FBXO47: variants seen among roughly 807,000 people sequenced by gnomAD.
FBXO47 encodes F-box only protein 47.
A neutral mutation model predicts 53.9 loss-of-function variants in FBXO47; 34 were observed. The observed-to-expected ratio is 0.63, with a 90% CI of 0.48 to 0.84. FBXO47 has a LOEUF of 0.84. Ranked by LOEUF, FBXO47 falls within the 40% of genes least tolerant of loss-of-function variation. The pLI, the probability that FBXO47 is intolerant of heterozygous loss-of-function variation, is 0.00. For synonymous variants in FBXO47, 165 were observed against 181.6 expected, an observed-to-expected ratio of 0.91 and a Z score of 0.73; for missense variants, 485 against 541.3, an observed-to-expected ratio of 0.90 and a Z score of 1.03.
chr17:38,941,262 C>G (rs529939145), intron 9 of FBXO47, among the ~76,000 whole-genome samples: 1 of 151,546 alleles, frequency 6.6e-6, no homozygotes, highest in South Asian at 2.1e-4. Context: ...CTCCGCCTGC[C>G]AGGCTCAAGT....
intron 7 of FBXO47, among the ~76,000 whole-genome samples, chr17:38,944,320 G>A (rs190152743): frequency 3.1e-3 from 472 of 151,780 alleles, no homozygotes; most frequent in African/African-American, 0.011. Context: ...GAGCCCAAGA[G>A]GTTGAGAGCA....
At chr17:38,939,323 A>ATAT (rs761104470) in intron 9 of FBXO47, among the ~76,000 whole-genome samples, 8 of 50,166 alleles carry the variant, frequency 1.6e-4, no homozygotes, top group African/African-American at 3.8e-4. Flanking sequence ...AAAAAAAAAA[A>ATAT]ATATATATAT....
rs1389812560 is a variant in FBXO47, at chr17:38,946,945, C to CATATATAAAT, written c.617-1819_617-1810dup. Among the ~76,000 whole-genome samples the CATATATAAAT allele has an allele frequency of 6.1e-3, 623 of 102,758 alleles. 7 individuals carry two copies. Among genetic ancestry groups the CATATATAAAT allele is most frequent in the East Asian group, 0.037 (119 of 3,206 alleles). 67.4% of individuals were successfully genotyped at this position (102,758 alleles called of 152,430 possible). A position where few individuals can be genotyped will look rare whatever the true frequency, so the allele number is the denominator to read the frequency against. ...ATATAAACATATAAATATATATAAA[C>CATATATAAAT]ATATATAAATATATAAACATATATA... On this transcript the variant is annotated intron_variant, in intron 6 of 10. Transcript: ENST00000378079.
At position 38,962,608 on chromosome 17, in the gene FBXO47, A is replaced by AAATAATAATAAT. The variant is rs58127654; in HGVS notation, c.181+225_181+236dup. On this transcript the variant is annotated intron_variant, in intron 2 of 10. Transcript: ENST00000378079. ...GCAACAAGAGCAAAACTCCATCTCA[A>AAATAATAATAAT]AATAATAATAATAATAATAATAATA... 4.8e-3 allele frequency among the ~76,000 whole-genome samples: 698 copies of AAATAATAATAAT among 146,292 alleles called. 11 individuals are homozygous for AAATAATAATAAT. The highest frequency in any genetic ancestry group is 0.047 in the East Asian group (241 of 5,086).
intron 9 of FBXO47, among the ~76,000 whole-genome samples, chr17:38,941,618 TA>T (rs200444446): frequency 0.045 from 2,683 of 60,160 alleles, 39 homozygotes; most frequent in Non-Finnish European, 0.052. Context: ...ATAAATATAA[TA>T]TTATATATAT....
At chr17:38,946,343 A>AAT (rs1567716587) in intron 6 of FBXO47, among the ~76,000 whole-genome samples, 19 of 52,634 alleles carry the variant, frequency 3.6e-4, no homozygotes, top group African/African-American at 1.6e-3. Context: ...AATATATATA[A>AAT]ATATATAAAT....
At chr17:38,943,894 A>G (rs1236695936) in intron 7 of FBXO47, among the ~76,000 whole-genome samples, 158 bp from the exon 8 acceptor site, 1 of 152,212 alleles carries the variant, frequency 6.6e-6, no homozygotes, top group Non-Finnish European at 1.5e-5. Context: ...GTAATAGTAT[A>G]GATTTGAACG....
At position 38,947,038 on chromosome 17, in the gene FBXO47, GTAAATATATAAAAACATATA is replaced by G. The variant is rs1209107350; in HGVS notation, c.617-1922_617-1903del. On this transcript the variant is annotated intron_variant, in intron 6 of 10. Transcript: ENST00000378079. ...TATATATAAACATATACAAATATAT[GTAAATATATAAAAACATATA>G]TAAATATATATAAACATATATAAAC... 8.0e-3 allele frequency among the ~76,000 whole-genome samples: 906 copies of G among 113,474 alleles called. 21 individuals carry two copies. Among genetic ancestry groups the G allele is most frequent in the African/African-American group, 0.033 (841 of 25,730 alleles). The allele number at this position is 113,474 out of a possible 152,430, so 74.4% of individuals were successfully genotyped here.
At chr17:38,963,095 T>C in intron 1 of FBXO47, 44 bp from the exon 2 acceptor site, 1 of 1,267,354 alleles carries the variant, frequency 7.9e-7, no homozygotes, top group Non-Finnish European at 1.1e-6. Context: ...AGAAAGGAAA[T>C]TAAAGCAAGA....
intron 1 of FBXO47, among the ~76,000 whole-genome samples, chr17:38,963,478 CACTT>C (rs1352649469): frequency 2.6e-5 from 4 of 151,976 alleles, no homozygotes; most frequent in Non-Finnish European, 4.4e-5. Flanking sequence ...AACCTGGCCC[CACTT>C]ACTTTATTAC....
chr17:38,957,148 T>A (rs1309331652), intron 4 of FBXO47, 29 bp downstream of exon 4: 25 of 1,391,280 alleles, frequency 1.8e-5, no homozygotes, highest in Non-Finnish European at 2.5e-5. Flanking sequence ...AAATCAAGAT[T>A]GTAAACTAAT....
At chr17:38,945,796 A>C (rs144433361) in intron 6 of FBXO47, among the ~76,000 whole-genome samples, 5,350 of 150,854 alleles carry the variant, frequency 0.035, 284 homozygotes, top group African/African-American at 0.11. Context: ...ATAAGCCGGG[A>C]GTGATGGCGG....
In FBXO47 at chr17:38,959,598, A is replaced by G. The variant is rs796997461; in HGVS notation, c.352+2279T>C. Among the ~76,000 whole-genome samples, 397 of 150,230 alleles carry G rather than the reference A, an allele frequency of 2.6e-3. 2 individuals carry two copies. Among genetic ancestry groups the G allele is most frequent in the African/African-American group, 8.7e-3 (353 of 40,538 alleles). ...CTGCCTCAAAAAAAAAAAAAAAAAA[A>G]AAAAAGAAAATTATTCTTCAAAGCA... is the stretch of plus-strand genomic sequence containing the variant. On this transcript the variant is annotated intron_variant, in intron 3 of 10. Transcript: ENST00000378079.
intron 1 of FBXO47, among the ~76,000 whole-genome samples, chr17:38,966,819 A>G (rs1463773178): frequency 1.3e-5 from 2 of 152,156 alleles, no homozygotes; most frequent in African/African-American, 4.8e-5. Context: ...CTAAAGGTAT[A>G]ATCCTAAATT....
intron 10 of FBXO47, among the ~76,000 whole-genome samples, chr17:38,937,943 C>T (rs147073547): frequency 8.5e-4 from 130 of 152,364 alleles, no homozygotes; most frequent in African/African-American, 2.9e-3. Context: ...GCTGGGATTA[C>T]AGGCATGAGC....
chr17:38,964,355 G>C (rs1387326859), intron 1 of FBXO47, among the ~76,000 whole-genome samples: 2 of 152,072 alleles, frequency 1.3e-5, no homozygotes, highest in Non-Finnish European at 2.9e-5. Context: ...CAGCACTTTG[G>C]GAAGCCAAGG....
chr17:38,942,778 C>T lies in FBXO47; in HGVS notation c.1083G>A (p.Leu361=). Residue 361 remains leucine (L), a splice_region_variant and synonymous_variant, in exon 9 of 11, where the codon TTG becomes TTA. Coordinates refer to ENST00000378079, the MANE Select transcript of FBXO47 (RefSeq NM_001008777.3). ...TAGAGAAAAACTTATTTTTACTTAC[C>T]AAAGCCAAAAAGACTACGAGCCTTG... ...ELARLVVFLA[L]VCEKELYCMD... is the part of the protein sequence containing the mutation. The T allele has an allele frequency of 6.2e-7, 1 of 1,600,748 alleles. No homozygotes were observed. The highest frequency in any genetic ancestry group is 8.5e-7 in the Non-Finnish European group (1 of 1,176,490).
At chr17:38,946,967 TATAA>T (rs1389959769) in intron 6 of FBXO47, among the ~76,000 whole-genome samples, 1 of 115,282 alleles carries the variant, frequency 8.7e-6, no homozygotes, top group Non-Finnish European at 1.8e-5. Flanking sequence ...TATAAACATA[TATAA>T]ATATATGTAA....
intron 9 of FBXO47, among the ~76,000 whole-genome samples, chr17:38,941,642 A>G (rs7216440): frequency 0.032 from 4,668 of 144,200 alleles, 252 homozygotes; most frequent in East Asian, 0.099. Flanking sequence ...ATATATATAT[A>G]TATGTATGTG....
Sources: allele counts gnomAD v4.1 joint callset (sites outside exome capture counted in the v4.1 genomes callset), GRCh38; gene constraint gnomAD v4.1.1; transcripts MANE v1.5; gene names NCBI Gene and HGNC (gene_info 2026-07-23, HGNC 2026-07-21).